Variants in LRBA observed in about 807,000 individuals in gnomAD.
The protein encoded by LRBA is lipopolysaccharide-responsive and beige-like anchor protein.
Under a neutral mutation model 330.0 loss-of-function variants are expected in LRBA, and 176 were observed. The observed-to-expected ratio is 0.53, with a 90% CI of 0.47 to 0.60. The LOEUF (loss-of-function observed/expected upper bound fraction) is 0.60, where lower values mean the gene tolerates loss of function less well. Among genes scored for constraint, LRBA ranks in the 20% least tolerant of loss-of-function variants. The pLI, the probability that LRBA is intolerant of heterozygous loss-of-function variation, is 0.00. For synonymous variants in LRBA, 1,230 were observed against 1,193.0 expected, an observed-to-expected ratio of 1.03 and a Z score of -0.64; for missense variants, 3,259 against 3,444.8, an observed-to-expected ratio of 0.95 and a Z score of 1.35.
At chr4:151,014,378 C>G in intron 2 of LRBA, 49 bp downstream of exon 2, 1 of 1,480,908 alleles carries the variant, frequency 6.8e-7, no homozygotes, top group South Asian at 1.2e-5. Flanking sequence ...GATCTTGTTC[C>G]CCAACCCACT....
At chr4:150,808,201 T>G (rs1743084867) in intron 32 of LRBA, 119 bp downstream of exon 32, 2 of 665,792 alleles carry the variant, frequency 3.0e-6, no homozygotes, top group Admixed American at 5.5e-5. Context: ...CTAAATGTCA[T>G]ATATGTTGAA....
chr4:150,527,565 C>G (rs1763607186), intron 40 of LRBA, among the ~76,000 whole-genome samples: 1 of 152,124 alleles, frequency 6.6e-6, no homozygotes, highest in Non-Finnish European at 1.5e-5. Flanking sequence ...CAACATAAAT[C>G]CTAAAATGAC....
chr4:150,637,094 T>C (rs1471816736), intron 37 of LRBA, among the ~76,000 whole-genome samples: 4 of 152,160 alleles, frequency 2.6e-5, no homozygotes, highest in Non-Finnish European at 5.9e-5. Flanking sequence ...AGTAAAAATA[T>C]ATTATTCTCA....
intron 47 of LRBA, among the ~76,000 whole-genome samples, chr4:150,379,657 C>T (rs989377105): frequency 2.0e-5 from 3 of 152,198 alleles, no homozygotes; most frequent in Non-Finnish European, 4.4e-5. Context: ...GGAAATAACT[C>T]ATAGCATACA....
intron 40 of LRBA, among the ~76,000 whole-genome samples, chr4:150,504,021 G>C (rs1177520446): frequency 6.6e-6 from 1 of 152,154 alleles, no homozygotes; most frequent in Non-Finnish European, 1.5e-5. Context: ...ATGACACGAA[G>C]CAAGAAGAGA....
intron 48 of LRBA, among the ~76,000 whole-genome samples, chr4:150,347,123 A>G (rs184751665): frequency 6.6e-6 from 1 of 152,356 alleles, no homozygotes; most frequent in East Asian, 1.9e-4. Context: ...ACATAAAAAG[A>G]CAAATGTTGC....
At chr4:150,487,351 T>G (rs1393172313) in intron 42 of LRBA, among the ~76,000 whole-genome samples, 1 of 151,166 alleles carries the variant, frequency 6.6e-6, no homozygotes, top group African/African-American at 2.4e-5. Context: ...GTATTTAAAC[T>G]TTCCATAAAA....
At chr4:150,686,817 CTCT>C (rs1161059677) in intron 36 of LRBA, among the ~76,000 whole-genome samples, 1 of 152,028 alleles carries the variant, frequency 6.6e-6, no homozygotes, top group Non-Finnish European at 1.5e-5. Flanking sequence ...TCATTTCTAT[CTCT>C]TATTAATATA....
chr4:150,386,984 T>C (rs1281439843), intron 47 of LRBA, among the ~76,000 whole-genome samples: 1 of 152,260 alleles, frequency 6.6e-6, no homozygotes, highest in Non-Finnish European at 1.5e-5. Flanking sequence ...GGTATCTCAT[T>C]GTGGGTTTGA....
intron 40 of LRBA, among the ~76,000 whole-genome samples, chr4:150,571,505 T>C (rs1163754342): frequency 2.0e-5 from 3 of 152,064 alleles, no homozygotes; most frequent in African/African-American, 7.2e-5. Context: ...ACTTTGATAG[T>C]TGCCATCTTT....
At chr4:150,788,964 C>G (rs1237585815) in intron 34 of LRBA, among the ~76,000 whole-genome samples, 4 of 151,584 alleles carry the variant, frequency 2.6e-5, no homozygotes, top group Non-Finnish European at 4.4e-5. Flanking sequence ...ATCCCAGCTA[C>G]TCGGAAGGCT....
intron 46 of LRBA, chr4:150,422,739 A>G: frequency 9.5e-7 from 1 of 1,047,274 alleles, no homozygotes; most frequent in Non-Finnish European, 1.5e-6. Context: ...TGAGGGCCCA[A>G]AGGGCTTCTT....
At chr4:150,508,176 T>C (rs1254283999) in intron 40 of LRBA, among the ~76,000 whole-genome samples, 3 of 124,512 alleles carry the variant, frequency 2.4e-5, no homozygotes, top group Middle Eastern at 0.011. Context: ...TGTATACATA[T>C]GTAACAAACC....
intron 42 of LRBA, among the ~76,000 whole-genome samples, chr4:150,472,189 G>A (rs1756211171): frequency 6.6e-6 from 1 of 151,958 alleles, no homozygotes; most frequent in Admixed American, 6.6e-5. Flanking sequence ...AAAGAGAAGG[G>A]AGACTCTAAA....
intron 56 of LRBA, among the ~76,000 whole-genome samples, chr4:150,267,599 C>T (rs1303854308): frequency 1.3e-5 from 2 of 151,976 alleles, no homozygotes; most frequent in East Asian, 3.9e-4. Context: ...AACTTTACCT[C>T]TTAAGGAACT....
chr4:150,865,938 A>G (rs1300893880), intron 22 of LRBA, among the ~76,000 whole-genome samples: 1 of 152,010 alleles, frequency 6.6e-6, no homozygotes, highest in Non-Finnish European at 1.5e-5. Flanking sequence ...CTAGTCTCCA[A>G]CTTTTGACCT....
intron 51 of LRBA, among the ~76,000 whole-genome samples, chr4:150,313,408 C>T (rs1731312405): frequency 6.6e-6 from 1 of 152,064 alleles, no homozygotes; most frequent in Non-Finnish European, 1.5e-5. Context: ...AATGTATAAC[C>T]TTTGCAACTA....
chr4:150,334,332 G>A (rs923891968), intron 48 of LRBA, among the ~76,000 whole-genome samples: 4 of 152,022 alleles, frequency 2.6e-5, no homozygotes, highest in African/African-American at 9.7e-5. Context: ...AATGAAATTT[G>A]CAAAATAATC....
At chr4:150,976,766 C>G (rs561301051) in intron 2 of LRBA, among the ~76,000 whole-genome samples, 3 of 152,174 alleles carry the variant, frequency 2.0e-5, no homozygotes, top group Non-Finnish European at 4.4e-5. Context: ...GCTATTCCCC[C>G]CAAAAGCAGC....
Sources: allele counts gnomAD v4.1 joint callset (sites outside exome capture counted in the v4.1 genomes callset), GRCh38; gene constraint gnomAD v4.1.1; transcripts MANE v1.5; gene names NCBI Gene and HGNC (gene_info 2026-07-23, HGNC 2026-07-21).